ROBO2: variants seen among roughly 807,000 people sequenced by gnomAD.
The protein encoded by ROBO2 is roundabout guidance receptor 2, also known as roundabout homolog 2.
In ROBO2, 53 loss-of-function variants were observed where a neutral mutation model predicts 160.8. That is an observed-to-expected ratio of 0.33 (90% CI 0.26 to 0.41). ROBO2 has a LOEUF of 0.41. Ranked by LOEUF, ROBO2 falls within the 10% of genes least tolerant of loss-of-function variation. The pLI, the probability that ROBO2 is intolerant of heterozygous loss-of-function variation, is 1.00. For missense variants in ROBO2, 1,577 were observed against 1,722.4 expected, an observed-to-expected ratio of 0.92 and a Z score of 1.49; for synonymous variants, 664 against 611.7, an observed-to-expected ratio of 1.09 and a Z score of -1.26.
chr3:76,915,023 C>T (rs1179281232), intron 2 of ROBO2, among the ~76,000 whole-genome samples: 2 of 152,154 alleles, frequency 1.3e-5, no homozygotes, highest in African/African-American at 4.8e-5. Context: ...CTTCCTCTAC[C>T]CCTCTTTAAA....
At chr3:76,800,126 C>A (rs1272485426) in intron 2 of ROBO2, among the ~76,000 whole-genome samples, 2 of 152,140 alleles carry the variant, frequency 1.3e-5, no homozygotes, top group African/African-American at 2.4e-5. Context: ...GGAGAAAGGA[C>A]AGTTTATTCA....
chr3:76,445,272 A>G (rs1314923343), intron 2 of ROBO2, among the ~76,000 whole-genome samples: 1 of 152,168 alleles, frequency 6.6e-6, no homozygotes, highest in Non-Finnish European at 1.5e-5. Flanking sequence ...AAAAACTCCA[A>G]ATTGTCAACA....
chr3:76,976,570 T>C (rs918835522), intron 2 of ROBO2, among the ~76,000 whole-genome samples: 1 of 152,152 alleles, frequency 6.6e-6, no homozygotes, highest in African/African-American at 2.4e-5. Flanking sequence ...ACTGGTGACA[T>C]TTTATAACAA....
At chr3:77,124,223 T>C (rs2075097855) in intron 2 of ROBO2, among the ~76,000 whole-genome samples, 1 of 152,122 alleles carries the variant, frequency 6.6e-6, no homozygotes, top group Non-Finnish European at 1.5e-5. Flanking sequence ...AGATATGAGT[T>C]AGAGGAGGTG....
chr3:77,448,765 C>CT (rs1447496295), intron 2 of ROBO2, among the ~76,000 whole-genome samples: 1 of 99,106 alleles, frequency 1.0e-5, no homozygotes, highest in Non-Finnish European at 2.8e-5. Flanking sequence ...GAACTTTTGC[C>CT]TGTAAGAGTC....
At chr3:76,922,658 T>G (rs7628800) in intron 2 of ROBO2, among the ~76,000 whole-genome samples, 498 of 152,248 alleles carry the variant, frequency 3.3e-3, no homozygotes, top group African/African-American at 0.011. Flanking sequence ...GTACTTGGAA[T>G]AGGAAATTAT....
chr3:76,965,927 T>TC (rs1007869252), intron 2 of ROBO2, among the ~76,000 whole-genome samples: 4 of 145,182 alleles, frequency 2.8e-5, no homozygotes, highest in Admixed American at 2.7e-4. Context: ...TTTTCTTTTT[T>TC]TTTTTTTTTT....
chr3:76,870,292 C>T (rs903612732), intron 2 of ROBO2, among the ~76,000 whole-genome samples: 3 of 152,152 alleles, frequency 2.0e-5, no homozygotes, highest in Non-Finnish European at 2.9e-5. Flanking sequence ...TATTTACAAA[C>T]CTGGCTTTCA....
At chr3:77,388,367 G>A (rs2074355290) in intron 2 of ROBO2, among the ~76,000 whole-genome samples, 1 of 152,100 alleles carries the variant, frequency 6.6e-6, no homozygotes, top group Admixed American at 6.6e-5. Flanking sequence ...GTAAGCCCTA[G>A]TCATATCATT....
chr3:76,479,391 C>A (rs1165797221), intron 2 of ROBO2, among the ~76,000 whole-genome samples: 1 of 152,088 alleles, frequency 6.6e-6, no homozygotes, highest in Non-Finnish European at 1.5e-5. Flanking sequence ...CTGACCTCTG[C>A]CTGAGGAAAT....
chr3:77,318,635 T>C (rs946940242), intron 2 of ROBO2, among the ~76,000 whole-genome samples: 3 of 152,212 alleles, frequency 2.0e-5, no homozygotes, highest in African/African-American at 4.8e-5. Context: ...GCAAACTACT[T>C]AGCACAAATT....
intron 2 of ROBO2, among the ~76,000 whole-genome samples, chr3:76,905,924 A>G (rs937988092): frequency 4.6e-5 from 7 of 152,140 alleles, no homozygotes; most frequent in African/African-American, 7.2e-5. Context: ...TCAATTTTTC[A>G]TCTCTTAATG....
chr3:77,236,545 C>A (rs558861368), intron 2 of ROBO2, among the ~76,000 whole-genome samples: 1 of 152,192 alleles, frequency 6.6e-6, no homozygotes, highest in East Asian at 1.9e-4. Context: ...GGTTGGGGGT[C>A]CTTAAAATTT....
intron 1 of ROBO2, among the ~76,000 whole-genome samples, chr3:77,046,716 T>C (rs1225199971): frequency 6.6e-6 from 1 of 152,180 alleles, no homozygotes; most frequent in Non-Finnish European, 1.5e-5. Context: ...TAACAAGAAT[T>C]CCAGGCTCTT....
chr3:76,625,447 A>G (rs1418937060), intron 2 of ROBO2, among the ~76,000 whole-genome samples: 1 of 152,186 alleles, frequency 6.6e-6, no homozygotes, highest in African/African-American at 2.4e-5. Context: ...TAAAGCATAC[A>G]TGTACTATGG....
chr3:77,621,162 A>C (rs1404979463), intron 22 of ROBO2, among the ~76,000 whole-genome samples: 1 of 152,188 alleles, frequency 6.6e-6, no homozygotes, highest in Non-Finnish European at 1.5e-5. Flanking sequence ...ATGATAGCTC[A>C]TGCCTGTAAT....
intron 2 of ROBO2, among the ~76,000 whole-genome samples, chr3:76,232,814 T>A (rs1317265851): frequency 6.6e-6 from 1 of 152,142 alleles, no homozygotes; most frequent in Non-Finnish European, 1.5e-5. Context: ...TTTATAACTA[T>A]TTCAAACCTT....
intron 2 of ROBO2, among the ~76,000 whole-genome samples, chr3:76,910,270 TA>T (rs953215306): frequency 5.3e-5 from 8 of 152,160 alleles, no homozygotes; most frequent in East Asian, 1.9e-4. Context: ...TTACTGAATA[TA>T]AAAAAAACTA....
chr3:77,121,627 C>T (rs943599707), intron 2 of ROBO2, among the ~76,000 whole-genome samples: 4 of 152,020 alleles, frequency 2.6e-5, no homozygotes, highest in Admixed American at 1.3e-4. Context: ...TTCTGCTTAA[C>T]TACTTAAGCC....
Sources: gnomAD v4.1 joint callset for allele counts (sites outside exome capture counted in the v4.1 genomes callset) on GRCh38, gnomAD v4.1.1 for gene constraint, MANE v1.5 for transcripts, NCBI Gene and HGNC (gene_info 2026-07-23, HGNC 2026-07-21) for gene names.